SECISBP2L: variants seen among roughly 807,000 people sequenced by gnomAD.
SECISBP2L encodes SECIS binding protein 2 like, also known as selenocysteine insertion sequence-binding protein 2-like.
Under a neutral mutation model 114.7 loss-of-function variants are expected in SECISBP2L, and 43 were observed. The ratio of observed to expected loss-of-function variants is 0.38; its 90% CI spans 0.29 to 0.48. The LOEUF (loss-of-function observed/expected upper bound fraction) is 0.48, where lower values mean the gene tolerates loss of function less well. SECISBP2L is among the 20% of genes least tolerant of loss of function. The probability of loss-of-function intolerance (pLI) is 0.98; values close to 1 mark genes in which losing one functional copy is unlikely to be tolerated. For missense variants in SECISBP2L, 1,136 were observed against 1,301.1 expected (o/e 0.87, Z 1.95); for synonymous variants, 451 against 439.7 (o/e 1.03, Z -0.32).
At position 48,999,936 on chromosome 15, in the gene SECISBP2L, T is replaced by A; in HGVS notation, c.2300A>T (p.Glu767Val). 1 of 1,613,976 alleles carries A rather than the reference T, an allele frequency of 6.2e-7. No individual in the cohort carries two copies. The highest frequency in any genetic ancestry group is 8.5e-7 in the Non-Finnish European group (1 of 1,179,922). ...TCCAAGGGCAAACACAAAAGGAATT[T>A]CTTGTTCCCGTGCCATGGCTATAAC... is the stretch of plus-strand genomic sequence containing the variant. ...YNVIAMAREQ[E>V]IPFVFALGRK... The change falls in exon 16 of 18, where the codon GAA becomes GTA. Residue 767 changes from glutamate to valine, a missense_variant. Physicochemically the swap from Glu to Val is moderately radical, Grantham distance 121. Around this residue, in one of 2 missense-constraint regions of SECISBP2L, gnomAD observed 684 missense variants for 848.7 expected, o/e 0.81. Transcript: ENST00000559471.
At chr15:49,030,893 A>G (rs188838871) in intron 4 of SECISBP2L, among the ~76,000 whole-genome samples, 7 of 152,278 alleles carry the variant, frequency 4.6e-5, no homozygotes, top group African/African-American at 1.7e-4. Flanking sequence ...TATCTAGAGG[A>G]AAAGTTCTTT....
rs775321232 is a variant in SECISBP2L, at chr15:49,035,401, A to G, written c.461T>C (p.Leu154Pro). ...GCTGGACAATGGGAAGACCTGTCCA[A>G]GCTGACTTGGACGCTCAGTGCATTC... The part of the protein sequence containing the change: ...TTECTERPSQ[L>P]GQVFPLSSHR... The change falls in exon 3 of 18, where the codon CTT becomes CCT. Residue 154 changes from leucine (L) to proline (P), a missense_variant. Transcript: ENST00000559471. 6.2e-7 allele frequency: 1 copy of G among 1,614,210 alleles called. No individual in the cohort carries two copies. The highest frequency in any genetic ancestry group is 8.5e-7 in the Non-Finnish European group (1 of 1,180,040).
At chr15:49,016,386 G>T in intron 11 of SECISBP2L, 174 bp downstream of exon 11, 1 of 516,484 alleles carries the variant, frequency 1.9e-6, no homozygotes, top group Non-Finnish European at 3.2e-6. Flanking sequence ...CAATTTCAAG[G>T]CTTGCGGTTT....
intron 14 of SECISBP2L, among the ~76,000 whole-genome samples, chr15:49,008,541 A>G (rs1255152243): frequency 6.6e-6 from 1 of 152,214 alleles, no homozygotes; most frequent in East Asian, 1.9e-4. Flanking sequence ...GCTAGGCAGG[A>G]AGTATTTGCT....
chr15:49,006,469 C>T (rs899792887), intron 14 of SECISBP2L, among the ~76,000 whole-genome samples: 1 of 152,028 alleles, frequency 6.6e-6, no homozygotes, highest in Non-Finnish European at 1.5e-5. Flanking sequence ...TTTCTCTAAC[C>T]TTGTCTTCAC....
intron 9 of SECISBP2L, 112 bp downstream of exon 9, chr15:49,017,436 T>C: frequency 2.8e-6 from 2 of 703,404 alleles, no homozygotes; most frequent in East Asian, 2.8e-5. Flanking sequence ...CACCATCTCC[T>C]GCACACTCTG....
intron 7 of SECISBP2L, among the ~76,000 whole-genome samples, chr15:49,024,386 C>T (rs553929095): frequency 6.6e-6 from 1 of 151,592 alleles, no homozygotes; most frequent in African/African-American, 2.4e-5. Context: ...ATCCCAGCTA[C>T]TCAGGAGGCT....
rs139427962 is a variant in SECISBP2L, at chr15:49,032,118, G to A, written c.664+847C>T. On this transcript the variant is annotated intron_variant, in intron 4 of 17. Transcript: ENST00000559471. ...AAGATACATAGATCTCCAAAAGAAA[G>A]GGTATAATCTAAATGAAAAAAGTAT... 1.8e-3 allele frequency among the ~76,000 whole-genome samples: 279 copies of A among 152,270 alleles called. 1 individual carries two copies. Among genetic ancestry groups the A allele is most frequent in the Admixed American group, 2.9e-3 (44 of 15,298 alleles).
intron 3 of SECISBP2L, 62 bp from the exon 4 acceptor site, chr15:49,033,162 TA>T (rs1566862004): frequency 6.6e-7 from 1 of 1,519,090 alleles, no homozygotes; most frequent in Non-Finnish European, 8.9e-7. Flanking sequence ...CTGAACATTA[TA>T]AAAAACACAT....
chr15:49,029,514 T>C (rs1357777442), intron 4 of SECISBP2L, among the ~76,000 whole-genome samples: 1 of 152,208 alleles, frequency 6.6e-6, no homozygotes, highest in Non-Finnish European at 1.5e-5. Flanking sequence ...ATTCATGCCT[T>C]TACATGAATA....
intron 1 of SECISBP2L, chr15:49,042,349 G>A (rs147820350): frequency 0.011 from 1,730 of 152,652 alleles, 24 homozygotes; most frequent in Non-Finnish European, 0.016. Flanking sequence ...TTAGAGATGG[G>A]GTCCCACTAT....
intron 7 of SECISBP2L, among the ~76,000 whole-genome samples, chr15:49,025,391 G>GA (rs1390676524): frequency 2.0e-5 from 3 of 152,106 alleles, no homozygotes; most frequent in Non-Finnish European, 4.4e-5. Flanking sequence ...TTGGGGATGG[G>GA]ATCCAAGACT....
intron 4 of SECISBP2L, among the ~76,000 whole-genome samples, chr15:49,031,414 T>C (rs548170272): frequency 2.6e-5 from 4 of 152,320 alleles, no homozygotes; most frequent in Non-Finnish European, 5.9e-5. Context: ...AACTCTCTTT[T>C]TCAGTGTTAT....
rs1345647134 is a variant in SECISBP2L at position 48,989,414 on chromosome 15, T to C, written c.*2830A>G. 6.6e-6 allele frequency: 1 copy of C among 152,578 alleles called. No individual in the cohort carries two copies. Among genetic ancestry groups the C allele is most frequent in the Non-Finnish European group, 1.5e-5 (1 of 68,020 alleles). The allele number at this position is 152,578 out of a possible 1,614,324, so 9.5% of individuals were successfully genotyped here. A position where few individuals can be genotyped will look rare whatever the true frequency, so the allele number is the denominator to read the frequency against. Reference sequence around the variant, plus strand: ...AATACTGGAATCATATAAAATACCATCTCTGCAAAAACAACCTCCAGTCAA... The same window carrying C: ...AATACTGGAATCATATAAAATACCACCTCTGCAAAAACAACCTCCAGTCAA... On this transcript the variant is annotated 3_prime_UTR_variant, in exon 18 of 18. Coordinates refer to ENST00000559471, the MANE Select transcript of SECISBP2L (RefSeq NM_001193489.2).
rs761855960 is a variant in SECISBP2L at position 49,009,372 on chromosome 15, C to T, written c.1871G>A (p.Gly624Glu). ...PQEIVSQEDTGLSMPSDTSLS... is the reference protein window; with the variant it reads ...PQEIVSQEDTELSMPSDTSLS... ...TGAAGTATCACTGGGCATGCTTAGT[C>T]CAGTATCTGTGGAGATGTGGAGTGA... is the stretch of plus-strand genomic sequence containing the variant. The change falls in exon 14 of 18, where the codon GGA becomes GAA. Residue 624 changes from glycine to glutamate, a missense_variant. Gly to Glu is a moderately conservative substitution (Grantham distance 98). Coordinates refer to ENST00000559471, the MANE Select transcript of SECISBP2L (RefSeq NM_001193489.2). The T allele has an allele frequency of 1.6e-5, 26 of 1,612,920 alleles. No individual in the cohort carries two copies. In the East Asian group the frequency reaches 5.8e-4, roughly 36 times the overall value.
chr15:49,040,956 T>C (rs1174450264), intron 1 of SECISBP2L, among the ~76,000 whole-genome samples: 1 of 152,014 alleles, frequency 6.6e-6, no homozygotes, highest in Non-Finnish European at 1.5e-5. Flanking sequence ...AAAAAAGCCT[T>C]GCATAGTGAA....
intron 13 of SECISBP2L, among the ~76,000 whole-genome samples, chr15:49,009,582 G>A (rs945732307): frequency 6.6e-6 from 1 of 152,066 alleles, no homozygotes; most frequent in Non-Finnish European, 1.5e-5. Context: ...GTCTGTTGAA[G>A]TATATTCTTA....
chr15:49,017,868 C>A, intron 8 of SECISBP2L: 1 of 321,962 alleles, frequency 3.1e-6, no homozygotes, highest in Non-Finnish European at 5.6e-6. Flanking sequence ...CCTACTATTT[C>A]ATTTTTATTA....
At chr15:49,015,967 T>A (rs1902527165) in intron 11 of SECISBP2L, among the ~76,000 whole-genome samples, 1 of 152,136 alleles carries the variant, frequency 6.6e-6, no homozygotes, top group Admixed American at 6.5e-5. Context: ...CCACAGATAC[T>A]GAGCTAGGAT....
Sources: gnomAD v4.1 joint callset for allele counts (sites outside exome capture counted in the v4.1 genomes callset) on GRCh38, gnomAD v4.1.1 for gene constraint, gnomAD v4.1.1 regional missense constraint, MANE v1.5 for transcripts, NCBI Gene and HGNC (gene_info 2026-07-23, HGNC 2026-07-21) for gene names.